The following DNAH6 variants were observed in gnomAD, a reference collection of about 807,000 sequenced individuals.
DNAH6 encodes axonemal beta dynein heavy chain 6.
DNAH6 carries 340 observed loss-of-function variants against 491.4 expected under a neutral mutation model. That is an observed-to-expected ratio of 0.69 (90% confidence interval 0.63 to 0.76). DNAH6 has a LOEUF of 0.76. Among genes scored for constraint, DNAH6 ranks in the 30% least tolerant of loss-of-function variants. The pLI is 0.00. For missense variants in DNAH6, 4,443 were observed against 4,972.2 expected (o/e 0.89, Z 3.20); for synonymous variants, 1,603 against 1,686.1 (o/e 0.95, Z 1.21).
intron 14 of DNAH6, among the ~76,000 whole-genome samples, chr2:84,581,347 T>G (rs1282372673): frequency 1.3e-5 from 2 of 150,936 alleles, no homozygotes; most frequent in Non-Finnish European, 2.9e-5. Flanking sequence ...ACACAAAAAC[T>G]TTTTTTTGGA....
chr2:84,697,953 A>G (rs1695547032), intron 47 of DNAH6: 3 of 537,162 alleles, frequency 5.6e-6, no homozygotes, highest in Non-Finnish European at 9.9e-6. Context: ...ATTGCCCCAC[A>G]GAGGTCATAG....
chr2:84,813,074 G>A lies in DNAH6; in HGVS notation c.11942G>A (p.Gly3981Glu), dbSNP rs1680152989. 1 of 1,551,474 alleles carries A rather than the reference G, an allele frequency of 6.4e-7. No individual in the cohort carries two copies. Among genetic ancestry groups the A allele is most frequent in the South Asian group, 1.2e-5 (1 of 84,056 alleles). Residue 3981 changes from glycine (G) to glutamate (E), a missense_variant, in exon 74 of 77, where the codon GGA (glycine) becomes GAA (glutamate). Gly to Glu is a moderately conservative substitution (Grantham distance 98). Around this residue, in one of 3 missense-constraint regions of DNAH6, gnomAD observed 1,463 missense variants for 1,656.6 expected, o/e 0.88. Transcript: ENST00000389394. ...TSFVDLWLKR[G>E]QPKSYWISGF... is the part of the protein sequence containing the mutation. Reference sequence around the variant, plus strand: ...CTCCTTCAGCTGTGGCTCAAAAGAGGACAGCCTAAGTCCTACTGGATCTCT... The same window carrying A: ...CTCCTTCAGCTGTGGCTCAAAAGAGAACAGCCTAAGTCCTACTGGATCTCT...
chr2:84,793,188 CCACA>C (rs142585668), intron 68 of DNAH6, among the ~76,000 whole-genome samples: 3 of 150,730 alleles, frequency 2.0e-5, no homozygotes, highest in Admixed American at 6.6e-5. Context: ...GTGGACACCA[CCACA>C]CACACACACG....
At chr2:84,691,029 A>T (rs1694806662) in intron 45 of DNAH6, among the ~76,000 whole-genome samples, 1 of 152,256 alleles carries the variant, frequency 6.6e-6, no homozygotes, top group African/African-American at 2.4e-5. Context: ...CGTTGTCACC[A>T]CACTCCAAAG....
chr2:84,469,201 A>G, the DNAH6 span, among the ~76,000 whole-genome samples: 2 of 152,212 alleles, frequency 1.3e-5, no homozygotes, highest in Non-Finnish European at 2.9e-5. This position sits in a 1 kb window ranked among gnomAD's most constrained non-coding sequence, Gnocchi z 4.0. Flanking sequence ...GAGAGAAGCC[A>G]GAAATCTGAC....
Position 84,659,113 on chromosome 2 carries a change from T to C in DNAH6, c.6028T>C (p.Tyr2010His). The change falls in exon 37 of 77, where the codon TAT becomes CAT. Residue 2010 changes from tyrosine (Y) to histidine (H), a missense_variant. Physicochemically the swap from Tyr to His is moderately conservative, Grantham distance 83. Transcript: ENST00000389394. ...GGGTGGAAACCTAACTGAAAACTACTATGATTCTTTTGATACATTTATTAG... is the reference window on the plus strand; with the variant it reads ...GGGTGGAAACCTAACTGAAAACTACCATGATTCTTTTGATACATTTATTAG... ...SLGGNLTENYYDSFDTFIRTQ... is the reference protein window; with the variant it reads ...SLGGNLTENYHDSFDTFIRTQ... 2 of 1,518,274 alleles carry C rather than the reference T, an allele frequency of 1.3e-6. No homozygotes were observed. Among genetic ancestry groups the C allele is most frequent in the Non-Finnish European group, 1.8e-6 (2 of 1,121,772 alleles). 94.1% of individuals were successfully genotyped at this position (1,518,274 alleles called of 1,614,324 possible).
Position 84,579,514 on chromosome 2 carries a change from GTTTC to G in DNAH6, c.2077-6_2077-3del, listed in dbSNP as rs780356581. On this transcript the variant is annotated splice_polypyrimidine_tract_variant and intron_variant, in intron 13 of 76. Coordinates refer to ENST00000389394, the MANE Select transcript of DNAH6 (RefSeq NM_001370.2). Reference sequence around the variant, plus strand: ...TTCGACTATTTACAATTCACACGGTGTTTCTTTCTTAGGTGCTAAATTTTATGCT... The same window carrying G: ...TTCGACTATTTACAATTCACACGGTGTTTCTTAGGTGCTAAATTTTATGCT... 2.1e-4 allele frequency: 334 copies of G among 1,612,866 alleles called. No individual in the cohort carries two copies. The highest frequency in any genetic ancestry group is 2.7e-4 in the Non-Finnish European group (319 of 1,179,366).
At chr2:84,532,686 G>T (rs539376034) in intron 4 of DNAH6, among the ~76,000 whole-genome samples, 21 of 152,140 alleles carry the variant, frequency 1.4e-4, no homozygotes, top group African/African-American at 5.1e-4. Context: ...AAAAATACGT[G>T]AGCAAAATGC....
intron 29 of DNAH6, among the ~76,000 whole-genome samples, chr2:84,629,123 C>T (rs1417470218): frequency 6.6e-6 from 1 of 152,052 alleles, no homozygotes; most frequent in Admixed American, 6.6e-5. Flanking sequence ...AATTCGTTTT[C>T]ACTGCTCTGT....
chr2:84,767,377 T>C (rs1464277750), intron 64 of DNAH6, among the ~76,000 whole-genome samples: 1 of 151,694 alleles, frequency 6.6e-6, no homozygotes, highest in Non-Finnish European at 1.5e-5. Context: ...ACAAAAAAGT[T>C]AGCCAGGTGG....
At chr2:84,527,974 A>G (rs971006935) in intron 3 of DNAH6, among the ~76,000 whole-genome samples, 2 of 152,194 alleles carry the variant, frequency 1.3e-5, no homozygotes, top group Non-Finnish European at 2.9e-5. Context: ...AGTTACTCCT[A>G]TACTATCAGA....
At chr2:84,674,236 G>A (rs1693014823) in intron 40 of DNAH6, among the ~76,000 whole-genome samples, 1 of 152,198 alleles carries the variant, frequency 6.6e-6, no homozygotes, top group Non-Finnish European at 1.5e-5. Flanking sequence ...ATGGAGTAAT[G>A]TGACTGGTCC....
intron 64 of DNAH6, among the ~76,000 whole-genome samples, chr2:84,766,527 T>C (rs1675096181): frequency 6.6e-6 from 1 of 152,202 alleles, no homozygotes; most frequent in Non-Finnish European, 1.5e-5. Context: ...ATGTGGCACT[T>C]AGAGGTAAAT....
intron 56 of DNAH6, 139 bp downstream of exon 56, chr2:84,710,551 C>G: frequency 2.5e-6 from 2 of 797,600 alleles, no homozygotes; most frequent in Non-Finnish European, 4.0e-6. Context: ...TTCCTCTTCT[C>G]CTTAAACAAT....
the DNAH6 span, among the ~76,000 whole-genome samples, chr2:84,490,103 T>TG: frequency 6.6e-6 from 1 of 152,198 alleles, no homozygotes; most frequent in Non-Finnish European, 1.5e-5. Context: ...TTTTAATACT[T>TG]GGACTTTTTG....
At chr2:84,746,857 G>A (rs935345285) in intron 63 of DNAH6, among the ~76,000 whole-genome samples, 2 of 152,174 alleles carry the variant, frequency 1.3e-5, no homozygotes, top group African/African-American at 4.8e-5. Flanking sequence ...ATGGTGAAAG[G>A]CAAAGGGGGA....
chr2:84,490,178 T>C, the DNAH6 span, among the ~76,000 whole-genome samples: 2 of 152,158 alleles, frequency 1.3e-5, no homozygotes, highest in Non-Finnish European at 2.9e-5. Flanking sequence ...ATAGGATATG[T>C]CTTTAGTGTT....
chr2:84,773,736 C>T (rs1265947398), intron 64 of DNAH6, among the ~76,000 whole-genome samples: 1 of 152,046 alleles, frequency 6.6e-6, no homozygotes, highest in Non-Finnish European at 1.5e-5. Flanking sequence ...TCAATGCAGC[C>T]TCACCAGCAT....
At chr2:84,525,463 G>C (rs1355465446) in intron 2 of DNAH6, 102 bp from the exon 3 acceptor site, 48 of 1,160,088 alleles carry the variant, frequency 4.1e-5, no homozygotes, top group Non-Finnish European at 5.7e-5. Context: ...TTAGTCCAAG[G>C]AGATCAATTT....
Sources: gnomAD v4.1 joint callset for allele counts (sites outside exome capture counted in the v4.1 genomes callset) on GRCh38, gnomAD v4.1.1 for gene constraint, gnomAD v4.1.1 regional missense constraint, Gnocchi (gnomAD v3.1) non-coding constraint, MANE v1.5 for transcripts, NCBI Gene and HGNC (gene_info 2026-07-23, HGNC 2026-07-21) for gene names.